The following PKHD1 variants were observed in gnomAD, a reference collection of about 807,000 sequenced individuals.
PKHD1 encodes fibrocystin.
A neutral mutation model predicts 412.0 loss-of-function variants in PKHD1; 291 were observed. The ratio of observed to expected loss-of-function variants is 0.71; its 90% confidence interval spans 0.64 to 0.78. PKHD1 has a LOEUF of 0.78. Among genes scored for constraint, PKHD1 ranks in the 30% least tolerant of loss-of-function variants. PKHD1 has a pLI of 0.00. For missense variants in PKHD1, 4,825 were observed against 4,950.7 expected (o/e 0.97, Z 0.76); for synonymous variants, 1,777 against 1,821.5 (o/e 0.98, Z 0.62).
chr6:52,048,675 G>A, intron 22 of PKHD1, 56 bp from the exon 23 acceptor site: 1 of 1,606,822 alleles, frequency 6.2e-7, no homozygotes, highest in South Asian at 1.1e-5. Context: ...GCACCTAGGA[G>A]GACCTTGTCT....
At chr6:51,962,424 T>C (rs532342989) in intron 35 of PKHD1, among the ~76,000 whole-genome samples, 1 of 152,136 alleles carries the variant, frequency 6.6e-6, no homozygotes, top group East Asian at 1.9e-4. Context: ...TAGCTCTCAA[T>C]AAGCTTTAGA....
At chr6:51,956,649 A>T (rs190753263) in intron 36 of PKHD1, among the ~76,000 whole-genome samples, 1 of 152,056 alleles carries the variant, frequency 6.6e-6, no homozygotes, top group East Asian at 1.9e-4. Context: ...AAGAAAAGTA[A>T]AGCAACATCA....
chr6:51,705,075 G>C (rs1203150785), intron 60 of PKHD1, among the ~76,000 whole-genome samples: 1 of 152,052 alleles, frequency 6.6e-6, no homozygotes, highest in Non-Finnish European at 1.5e-5. Flanking sequence ...TTGCATAGTA[G>C]AGTATTTAAT....
At chr6:51,712,875 AAAT>A (rs1780819804) in intron 60 of PKHD1, among the ~76,000 whole-genome samples, 1 of 152,232 alleles carries the variant, frequency 6.6e-6, no homozygotes, top group African/African-American at 2.4e-5. Flanking sequence ...TGTGTTTAAT[AAAT>A]AATAGATAAT....
intron 60 of PKHD1, among the ~76,000 whole-genome samples, chr6:51,715,401 C>T (rs1302278486): frequency 6.6e-6 from 1 of 151,988 alleles, no homozygotes; most frequent in Non-Finnish European, 1.5e-5. Flanking sequence ...AGCAGGAATT[C>T]AAAATTGAAC....
At chr6:51,671,091 G>A (rs1352042469) in intron 60 of PKHD1, among the ~76,000 whole-genome samples, 1 of 152,052 alleles carries the variant, frequency 6.6e-6, no homozygotes, top group Non-Finnish European at 1.5e-5. Flanking sequence ...CTGAATGTTG[G>A]CCTGCCTTGC....
At chr6:51,989,924 G>GA (rs1562072681) in intron 35 of PKHD1, among the ~76,000 whole-genome samples, 1 of 111,922 alleles carries the variant, frequency 8.9e-6, no homozygotes, top group Non-Finnish European at 1.9e-5. Flanking sequence ...AGGAAGGAAG[G>GA]AAGGAAGGAA....
chr6:51,650,333 T>C (rs948847399), intron 61 of PKHD1, among the ~76,000 whole-genome samples: 2 of 152,166 alleles, frequency 1.3e-5, no homozygotes, highest in Non-Finnish European at 2.9e-5. Context: ...ATGCAACAGA[T>C]GTTTGGCAAC....
intron 63 of PKHD1, among the ~76,000 whole-genome samples, chr6:51,644,733 T>C (rs1413244190): frequency 6.6e-6 from 1 of 152,198 alleles, no homozygotes; most frequent in East Asian, 1.9e-4. Flanking sequence ...CAGGCTGGAA[T>C]GCAGTGGGCG....
rs71544105 is a variant in PKHD1, at chr6:51,880,779, T to TAAAA, written c.7350+2310_7350+2313dup. ...CTTAGAGTATAATAAAAAAAAAAAT[T>TAAAA]AAAAAAAAAAAAAAAAAAAAAAAAA... On this transcript the variant is annotated intron_variant, in intron 46 of 66. Transcript: ENST00000371117. 9.7e-4 allele frequency among the ~76,000 whole-genome samples: 29 copies of TAAAA among 30,042 alleles called. 2 individuals are homozygous for TAAAA. The highest frequency in any genetic ancestry group is 5.9e-3 in the African/African-American group (29 of 4,930). 19.7% of individuals were successfully genotyped at this position (30,042 alleles called of 152,430 possible).
At chr6:51,932,452 C>T (rs1786773991) in intron 37 of PKHD1, among the ~76,000 whole-genome samples, 1 of 152,184 alleles carries the variant, frequency 6.6e-6, no homozygotes, top group African/African-American at 2.4e-5. Context: ...CCTCCTAAGC[C>T]TGGGGTCCTC....
intron 11 of PKHD1, among the ~76,000 whole-genome samples, chr6:52,068,389 C>T (rs893305104): frequency 6.6e-6 from 1 of 152,198 alleles, no homozygotes; most frequent in Non-Finnish European, 1.5e-5. Flanking sequence ...TACCTGTCAG[C>T]CTATCAGTCA....
chr6:51,853,595 A>G (rs1021748647), intron 49 of PKHD1, among the ~76,000 whole-genome samples: 1 of 152,114 alleles, frequency 6.6e-6, no homozygotes, highest in Non-Finnish European at 1.5e-5. Flanking sequence ...ATGAAATCCC[A>G]TATTTCTTGG....
Position 51,659,097 on chromosome 6 carries a change from T to C in PKHD1, c.11029A>G (p.Met3677Val), listed in dbSNP as rs1484903460. ...TTGTTACTTGATAAGGATGAAATCA[T>C]TCCAGTGCTCCTTACTGTTGGCGAA... Reference protein sequence around the residue: ...GDSPTVRSTGMISSLSSNKLQ... With the variant: ...GDSPTVRSTGVISSLSSNKLQ... The change falls in exon 61 of 67, where the codon ATG (methionine) becomes GTG (valine). Residue 3677 changes from methionine to valine, a missense_variant. Transcript: ENST00000371117. 1 of 1,613,870 alleles carries C rather than the reference T, an allele frequency of 6.2e-7. No individual in the cohort carries two copies.
intron 35 of PKHD1, among the ~76,000 whole-genome samples, chr6:51,994,398 G>A (rs1189414353): frequency 1.3e-5 from 2 of 152,090 alleles, no homozygotes; most frequent in African/African-American, 2.4e-5. Flanking sequence ...GCCTCCCAGA[G>A]TCCTGGGGTT....
intron 14 of PKHD1, 108 bp from the exon 15 acceptor site, chr6:52,060,150 C>T (rs371857500): frequency 1.9e-4 from 138 of 711,858 alleles, no homozygotes; most frequent in African/African-American, 1.8e-3. Flanking sequence ...TAAAGAAGAA[C>T]AACCTGATTC....
chr6:51,654,176 A>G (rs1001158706), intron 61 of PKHD1, among the ~76,000 whole-genome samples: 1 of 152,168 alleles, frequency 6.6e-6, no homozygotes, highest in Non-Finnish European at 1.5e-5. Flanking sequence ...GAATATAATC[A>G]TAAGTCGAAA....
intron 53 of PKHD1, among the ~76,000 whole-genome samples, chr6:51,782,729 C>T (rs1220956254): frequency 6.6e-6 from 1 of 152,086 alleles, no homozygotes; most frequent in Non-Finnish European, 1.5e-5. Context: ...GGAGGACATA[C>T]TTTTTTAACT....
At position 51,948,204 on chromosome 6, in the gene PKHD1, C is replaced by A. The variant is rs572520036; in HGVS notation, c.5908+11666G>T. ...CTTATCCTCTACCTCAGGGTTAATTCTCAAAACAACACTCAGTGTTGTCAT... is the reference window on the plus strand; with the variant it reads ...CTTATCCTCTACCTCAGGGTTAATTATCAAAACAACACTCAGTGTTGTCAT... On this transcript the variant is annotated intron_variant, in intron 36 of 66. Coordinates refer to ENST00000371117, the MANE Select transcript of PKHD1 (RefSeq NM_138694.4). Among the ~76,000 whole-genome samples, 110 of 152,250 alleles carry A rather than the reference C, an allele frequency of 7.2e-4. 1 individual carries two copies. In the South Asian group the frequency reaches 0.013, roughly 18 times the overall value.
Sources: gnomAD v4.1 joint callset for allele counts (sites outside exome capture counted in the v4.1 genomes callset) on GRCh38, gnomAD v4.1.1 for gene constraint, MANE v1.5 for transcripts, NCBI Gene and HGNC (gene_info 2026-07-23, HGNC 2026-07-21) for gene names.